The following GRIA4 variants were observed in gnomAD, a reference collection of about 807,000 sequenced individuals.
The protein encoded by GRIA4 is glutamate ionotropic receptor AMPA type subunit 4, also known as glutamate receptor 4.
A neutral mutation model predicts 104.0 loss-of-function variants in GRIA4; 34 were observed. That is an observed-to-expected ratio of 0.33 (90% CI 0.25 to 0.44). GRIA4 has a LOEUF of 0.44. Among genes scored for constraint, GRIA4 ranks in the 20% least tolerant of loss-of-function variants. GRIA4 has a pLI of 1.00. For synonymous variants in GRIA4, 386 were observed against 381.9 expected, an observed-to-expected ratio of 1.01 and a Z score of -0.13; for missense variants, 750 against 1,096.5, an observed-to-expected ratio of 0.68 and a Z score of 4.46.
At chr11:105,846,576 A>C (rs939713986) in intron 4 of GRIA4, among the ~76,000 whole-genome samples, 8 of 152,186 alleles carry the variant, frequency 5.3e-5, no homozygotes, top group Non-Finnish European at 7.4e-5. Context: ...CATGAAAAAC[A>C]AGGAAAAAAC....
intron 4 of GRIA4, among the ~76,000 whole-genome samples, chr11:105,828,371 T>C (rs1943852377): frequency 6.6e-6 from 1 of 151,990 alleles, no homozygotes; most frequent in Non-Finnish European, 1.5e-5. Context: ...GCATTTCTTA[T>C]GATGCAGTAG....
intron 11 of GRIA4, among the ~76,000 whole-genome samples, chr11:105,920,374 C>T (rs1429468628): frequency 6.6e-6 from 1 of 152,086 alleles, no homozygotes; most frequent in Non-Finnish European, 1.5e-5. Context: ...TAGATGTTAA[C>T]AATATCGAAG....
intron 14 of GRIA4, among the ~76,000 whole-genome samples, chr11:105,964,973 ATTTTTGTAT>A (rs1948829730): frequency 6.6e-6 from 1 of 151,984 alleles, no homozygotes; most frequent in South Asian, 2.1e-4. Flanking sequence ...TGCCCAGCTA[ATTTTTGTAT>A]TTTTTGTAGA....
intron 3 of GRIA4, among the ~76,000 whole-genome samples, chr11:105,745,711 T>C (rs936233068): frequency 1.3e-5 from 2 of 152,194 alleles, no homozygotes; most frequent in Non-Finnish European, 1.5e-5. Flanking sequence ...TTATTTGTGT[T>C]AGTAAAATAT....
intron 4 of GRIA4, among the ~76,000 whole-genome samples, chr11:105,787,273 T>G (rs924074376): frequency 6.6e-6 from 1 of 152,068 alleles, no homozygotes; most frequent in East Asian, 1.9e-4. Context: ...ATTTGAGCAA[T>G]AGTGATTATT....
chr11:105,667,498 G>A (rs1031701758), intron 3 of GRIA4, among the ~76,000 whole-genome samples: 44 of 152,056 alleles, frequency 2.9e-4, no homozygotes, highest in African/African-American at 1.1e-3. Flanking sequence ...AATATTAAAA[G>A]AAAACTAATA....
chr11:105,724,340 G>C (rs918865777), intron 3 of GRIA4, among the ~76,000 whole-genome samples: 14 of 148,414 alleles, frequency 9.4e-5, no homozygotes, highest in East Asian at 2.0e-4. Context: ...TATATACATA[G>C]ATAGATAGAT....
chr11:105,898,757 A>G (rs760851261), intron 7 of GRIA4, among the ~76,000 whole-genome samples: 5 of 152,132 alleles, frequency 3.3e-5, no homozygotes, highest in Non-Finnish European at 7.4e-5. Flanking sequence ...CCACACAGAA[A>G]TCTTCATGAA....
chr11:105,896,678 CTTCT>C (rs1183303638), intron 6 of GRIA4, among the ~76,000 whole-genome samples: 1 of 152,084 alleles, frequency 6.6e-6, no homozygotes, highest in Non-Finnish European at 1.5e-5. Flanking sequence ...ATCCTTTCCC[CTTCT>C]TTATTTTTGT....
intron 3 of GRIA4, among the ~76,000 whole-genome samples, chr11:105,653,577 G>A (rs757485653): frequency 2.0e-5 from 3 of 152,152 alleles, no homozygotes; most frequent in Non-Finnish European, 4.4e-5. Context: ...ACAAGTAACT[G>A]AAACTACAAA....
intron 3 of GRIA4, among the ~76,000 whole-genome samples, chr11:105,680,147 C>T (rs1290150745): frequency 6.6e-6 from 1 of 152,086 alleles, no homozygotes. Flanking sequence ...TGAATCATTG[C>T]TATGTCACCT....
At chr11:105,781,592 CTA>C (rs900384489) in intron 4 of GRIA4, among the ~76,000 whole-genome samples, 13 of 152,096 alleles carry the variant, frequency 8.5e-5, no homozygotes. Context: ...GGGAATGCAT[CTA>C]TATAGAGTAC....
At chr11:105,863,104 A>G (rs1945285711) in intron 5 of GRIA4, among the ~76,000 whole-genome samples, 1 of 152,170 alleles carries the variant, frequency 6.6e-6, no homozygotes, top group Admixed American at 6.5e-5. Context: ...CTTGATTTCC[A>G]TTAGTAAACT....
At chr11:105,634,529 A>AAAGAAAAT (rs1565420297) in intron 3 of GRIA4, among the ~76,000 whole-genome samples, 1 of 90,182 alleles carries the variant, frequency 1.1e-5, no homozygotes. Flanking sequence ...AGAAAGAAAG[A>AAAGAAAAT]AAAGAAAGAA....
intron 14 of GRIA4, among the ~76,000 whole-genome samples, chr11:105,961,129 T>C (rs1267528612): frequency 6.6e-6 from 1 of 152,242 alleles, no homozygotes; most frequent in Non-Finnish European, 1.5e-5. Context: ...CTCCTCTTAT[T>C]AAATCCTCGA....
At chr11:105,873,143 C>T (rs1404284287) in intron 5 of GRIA4, among the ~76,000 whole-genome samples, 2 of 152,034 alleles carry the variant, frequency 1.3e-5, no homozygotes, top group Non-Finnish European at 2.9e-5. Flanking sequence ...TCTCATTGTT[C>T]AACTCTCACT....
chr11:105,625,043 A>T (rs1459232090), intron 3 of GRIA4, among the ~76,000 whole-genome samples: 6 of 152,114 alleles, frequency 3.9e-5, no homozygotes, highest in Non-Finnish European at 8.8e-5. Context: ...TTCAACACAG[A>T]TGTTGGTCAG....
At chr11:105,793,825 G>T (rs1411356741) in intron 4 of GRIA4, among the ~76,000 whole-genome samples, 6 of 152,120 alleles carry the variant, frequency 3.9e-5, no homozygotes, top group Non-Finnish European at 1.5e-5. Context: ...CACAGGCAGA[G>T]AATGTCACTC....
intron 3 of GRIA4, among the ~76,000 whole-genome samples, chr11:105,728,532 C>T (rs1346599635): frequency 1.3e-5 from 2 of 152,146 alleles, no homozygotes; most frequent in Non-Finnish European, 2.9e-5. Context: ...ACTCTCCACC[C>T]CAAAGCAATA....
Sources: gnomAD v4.1 joint callset for allele counts (sites outside exome capture counted in the v4.1 genomes callset) on GRCh38, gnomAD v4.1.1 for gene constraint, MANE v1.5 for transcripts, NCBI Gene and HGNC (gene_info 2026-07-23, HGNC 2026-07-21) for gene names.